The following DLGAP2 variants were observed in gnomAD, a reference collection of about 807,000 sequenced individuals.
DLGAP2 encodes DLG associated protein 2, also known as disks large-associated protein 2.
In DLGAP2, 26 loss-of-function variants were observed where a neutral mutation model predicts 100.3. The observed-to-expected ratio is 0.26, with a 90% CI of 0.19 to 0.36. DLGAP2 has a LOEUF of 0.36. DLGAP2 is among the 10% of genes least tolerant of loss of function. DLGAP2 has a pLI of 1.00. For synonymous variants in DLGAP2, 886 were observed against 630.1 expected (o/e 1.41, Z -6.08); for missense variants, 1,858 against 1,453.2 (o/e 1.28, Z -4.53).
intron 8 of DLGAP2, among the ~76,000 whole-genome samples, chr8:1,636,671 C>T (rs966588190): frequency 1.3e-5 from 2 of 152,168 alleles, no homozygotes; most frequent in African/African-American, 2.4e-5. Flanking sequence ...GATTTTCAGG[C>T]GTGTGAGCCT....
intron 8 of DLGAP2, among the ~76,000 whole-genome samples, chr8:1,637,059 G>A (rs561457209): frequency 9.8e-5 from 15 of 152,298 alleles, no homozygotes; most frequent in African/African-American, 1.7e-4. Flanking sequence ...CCGTCTGGCC[G>A]CCGGCTGGCT....
At chr8:1,580,472 G>T (rs1388454682) in intron 6 of DLGAP2, among the ~76,000 whole-genome samples, 1 of 152,182 alleles carries the variant, frequency 6.6e-6, no homozygotes, top group Non-Finnish European at 1.5e-5. Flanking sequence ...AAGAGCATCC[G>T]AGAGCTGCAG....
intron 4 of DLGAP2, among the ~76,000 whole-genome samples, chr8:1,521,876 C>G (rs1017172910): frequency 6.7e-6 from 1 of 149,634 alleles, no homozygotes; most frequent in African/African-American, 2.5e-5. Context: ...CTGGTTTGCA[C>G]ACTTGTTTTA....
chr8:1,344,114 T>C (rs12550774), intron 3 of DLGAP2, among the ~76,000 whole-genome samples: 3,346 of 36,448 alleles, frequency 0.092, 247 homozygotes, highest in African/African-American at 0.17. Context: ...GGTCCATGTA[T>C]TCGGGGCCCT....
chr8:1,607,669 G>C (rs1195113440), intron 6 of DLGAP2, among the ~76,000 whole-genome samples: 1 of 152,060 alleles, frequency 6.6e-6, no homozygotes, highest in African/African-American at 2.4e-5. Flanking sequence ...GTGGGCGCAG[G>C]CCAGTGGGTG....
intron 1 of DLGAP2, among the ~76,000 whole-genome samples, chr8:816,522 TTTTG>T (rs1796484063): frequency 6.6e-6 from 1 of 152,180 alleles, no homozygotes; most frequent in African/African-American, 2.4e-5. Context: ...CTGGTAATTG[TTTTG>T]TTTAAGGAGG....
chr8:1,535,556 T>C (rs1240508423), intron 4 of DLGAP2, among the ~76,000 whole-genome samples: 3 of 152,224 alleles, frequency 2.0e-5, no homozygotes, highest in Non-Finnish European at 4.4e-5. Context: ...GCACACACGT[T>C]GTTGTGAACT....
chr8:1,617,418 T>TC (rs1466035994), intron 6 of DLGAP2, among the ~76,000 whole-genome samples: 1 of 152,222 alleles, frequency 6.6e-6, no homozygotes, highest in Non-Finnish European at 1.5e-5. Context: ...TAATAGCCAT[T>TC]CTGATGGGTG....
rs868684770 is a variant in DLGAP2, at chr8:1,090,119, G to A, written c.74-168732G>A. On this transcript the variant is annotated intron_variant, in intron 2 of 14. Coordinates refer to ENST00000637795, the MANE Select transcript of DLGAP2 (RefSeq NM_001346810.2). ...AGACAGGGGTGGAAACTCACACCCC[G>A]AGGACCTGCTGCCTGTCTGCGCTCT... Among the ~76,000 whole-genome samples, 3 of 142,836 alleles carry A rather than the reference G, an allele frequency of 2.1e-5. No homozygotes were observed. In the South Asian group the frequency reaches 7.0e-4, roughly 33 times the overall value. The allele number at this position is 142,836 out of a possible 152,430, so 93.7% of individuals were successfully genotyped here. A position where few individuals can be genotyped will look rare whatever the true frequency, so the allele number is the denominator to read the frequency against.
At chr8:1,336,116 C>T (rs547736878) in intron 3 of DLGAP2, among the ~76,000 whole-genome samples, 9 of 152,384 alleles carry the variant, frequency 5.9e-5, no homozygotes, top group Middle Eastern at 3.4e-3. Flanking sequence ...CAAGACCACC[C>T]TGTTCCTCCC....
intron 2 of DLGAP2, among the ~76,000 whole-genome samples, chr8:1,061,632 T>C (rs1480521614): frequency 6.6e-6 from 1 of 152,056 alleles, no homozygotes; most frequent in Non-Finnish European, 1.5e-5. Context: ...AAACTGTTGC[T>C]GTCACAGAGA....
rs367568530 is a variant in DLGAP2, at chr8:1,565,716, G to C, written c.1264G>C (p.Gly422Arg). 6.2e-7 allele frequency: 1 copy of C among 1,613,266 alleles called. No homozygotes were observed. Among genetic ancestry groups the C allele is most frequent in the Non-Finnish European group, 8.5e-7 (1 of 1,179,584 alleles). ...GGATGAGTGGGGAGGGTACCCCACCGGTGGCAAAGATGAGGAGATTCCCTG... is the reference window on the plus strand; with the variant it reads ...GGATGAGTGGGGAGGGTACCCCACCCGTGGCAAAGATGAGGAGATTCCCTG... ...PQDEWGGYPT[G>R]GKDEEIPCRR... The change falls in exon 6 of 15, where the codon GGT becomes CGT. Residue 422 changes from glycine to arginine, a missense_variant. Gly to Arg is a moderately radical substitution (Grantham distance 125). Coordinates refer to ENST00000637795, the MANE Select transcript of DLGAP2 (RefSeq NM_001346810.2).
intron 3 of DLGAP2, among the ~76,000 whole-genome samples, chr8:1,459,244 G>T (rs561961892): frequency 2.9e-5 from 4 of 136,714 alleles, no homozygotes; most frequent in African/African-American, 1.1e-4. Flanking sequence ...TCCCAGACAG[G>T]AGTGACAGCC....
At chr8:1,457,781 T>A (rs1798356044) in intron 3 of DLGAP2, among the ~76,000 whole-genome samples, 1 of 151,664 alleles carries the variant, frequency 6.6e-6, no homozygotes, top group African/African-American at 2.4e-5. Flanking sequence ...TTGCCCTTCC[T>A]CCCTCCAGGA....
At chr8:1,454,028 G>A (rs574050455) in intron 3 of DLGAP2, among the ~76,000 whole-genome samples, 3 of 152,372 alleles carry the variant, frequency 2.0e-5, no homozygotes, top group Non-Finnish European at 4.4e-5. Context: ...CCGCTGAAAG[G>A]CAGAGTGGAA....
Position 1,284,237 on chromosome 8 carries a change from C to A in DLGAP2, c.106+25354C>A, listed in dbSNP as rs146302993. On this transcript the variant is annotated intron_variant, in intron 3 of 14. Coordinates refer to ENST00000637795, the MANE Select transcript of DLGAP2 (RefSeq NM_001346810.2). ...ATTTAAGGAGTCCACTGCAGGCTTA[C>A]ATTTCCAGGAGAGATTTTTTGTTAA... is the stretch of plus-strand genomic sequence containing the variant. Among the ~76,000 whole-genome samples, 315 of 152,276 alleles carry A rather than the reference C, an allele frequency of 2.1e-3. 1 individual carries two copies. Among genetic ancestry groups the A allele is most frequent in the African/African-American group, 7.0e-3 (291 of 41,560 alleles).
chr8:907,578 A>G lies in DLGAP2; in HGVS notation c.19-334A>G, dbSNP rs987812234. Among the ~76,000 whole-genome samples the G allele has an allele frequency of 2.6e-5, 4 of 152,326 alleles. No homozygotes were observed. In the East Asian group the frequency reaches 7.7e-4, roughly 29 times the overall value. On this transcript the variant is annotated intron_variant, in intron 1 of 14. Transcript: ENST00000637795. ...GCCTAATATTTTAAAAGCCATCACA[A>G]AAATTGGTGGGTCCATTTACCTTAT...
intron 12 of DLGAP2, among the ~76,000 whole-genome samples, chr8:1,683,856 A>ATATATATATATATATGTG (rs1467438870): frequency 1.1e-4 from 7 of 62,228 alleles, no homozygotes; most frequent in African/African-American, 3.4e-4. Context: ...ATATATATAT[A>ATATATATATATATATGTG]TGTGTGTGTG....
chr8:1,250,613 G>A (rs1799018429), intron 2 of DLGAP2: 1 of 152,172 alleles, frequency 6.6e-6, no homozygotes, highest in South Asian at 2.1e-4. Context: ...CAGGCAAAGA[G>A]AAGACGCGTT....
Sources: allele counts gnomAD v4.1 joint callset (sites outside exome capture counted in the v4.1 genomes callset), GRCh38; gene constraint gnomAD v4.1.1; transcripts MANE v1.5; gene names NCBI Gene and HGNC (gene_info 2026-07-23, HGNC 2026-07-21).